The following NUP214 variants were observed in gnomAD, a reference collection of about 807,000 sequenced individuals.
NUP214 encodes the protein nuclear pore complex protein Nup214.
NUP214 carries 79 observed loss-of-function variants against 196.2 expected under a neutral mutation model. The observed-to-expected ratio is 0.40, with a 90% CI of 0.34 to 0.49. The LOEUF is 0.49. Ranked by LOEUF, NUP214 falls within the 20% of genes least tolerant of loss-of-function variation. The pLI is 0.58. For missense variants in NUP214, 2,468 were observed against 2,539.0 expected, an observed-to-expected ratio of 0.97 and a Z score of 0.60; for synonymous variants, 1,020 against 990.5, an observed-to-expected ratio of 1.03 and a Z score of -0.56.
chr9:131,125,671 G>A lies in NUP214; in HGVS notation c.-34G>A. ...TCCGTGGGCAAGGCCGTGGGAGGCA[G>A]CGTTGGCTGCTTCGACACACTGAGG... On this transcript the variant is annotated 5_prime_UTR_variant, in exon 1 of 36. Transcript: ENST00000359428. The surrounding 1 kb of genome is among the most constrained non-coding windows in gnomAD (Gnocchi z 4.1). 1.3e-6 allele frequency: 2 copies of A among 1,547,900 alleles called. No homozygotes were observed. The highest frequency in any genetic ancestry group is 1.7e-6 in the Non-Finnish European group (2 of 1,145,132).
rs924519393 is a variant in NUP214, at chr9:131,230,903, G to A, written c.6214+134G>A. 25 of 1,044,880 alleles carry A rather than the reference G, an allele frequency of 2.4e-5. 1 individual carries two copies. Among genetic ancestry groups the A allele is most frequent in the African/African-American group, 3.2e-5 (2 of 62,278 alleles). The allele number at this position is 1,044,880 out of a possible 1,614,324, so 64.7% of individuals were successfully genotyped here. On this transcript the variant is annotated intron_variant, in intron 34 of 35. Coordinates refer to ENST00000359428, the MANE Select transcript of NUP214 (RefSeq NM_005085.4). ...CTGACTGGGCACGTGGTTCACGCCT[G>A]TAATCCCAGCACTTTGGGAGACCAA... is the stretch of plus-strand genomic sequence containing the variant.
At chr9:131,186,210 T>C (rs1335577133) in intron 24 of NUP214, among the ~76,000 whole-genome samples, 1 of 152,192 alleles carries the variant, frequency 6.6e-6, no homozygotes, top group Non-Finnish European at 1.5e-5. Context: ...GGAACAGAGA[T>C]GTGTTTCTCC....
At chr9:131,179,558 C>G (rs879887610) in intron 24 of NUP214, among the ~76,000 whole-genome samples, 17 of 152,178 alleles carry the variant, frequency 1.1e-4, no homozygotes, top group Non-Finnish European at 2.2e-4. Context: ...CATGATTAGT[C>G]TAGCAGCAAG....
At chr9:131,184,332 T>C (rs1410930662) in intron 24 of NUP214, among the ~76,000 whole-genome samples, 1 of 141,598 alleles carries the variant, frequency 7.1e-6, no homozygotes, top group African/African-American at 2.7e-5. Flanking sequence ...AGCCGGCCTC[T>C]CTCTTTTTTT....
chr9:131,161,309 G>C (rs1832624699), intron 18 of NUP214, among the ~76,000 whole-genome samples: 1 of 149,232 alleles, frequency 6.7e-6, no homozygotes, highest in African/African-American at 2.5e-5. Flanking sequence ...CCATATTGGA[G>C]TGCAGTGGCG....
At chr9:131,221,458 C>T (rs1427066809) in intron 31 of NUP214, among the ~76,000 whole-genome samples, 2 of 152,206 alleles carry the variant, frequency 1.3e-5, no homozygotes, top group Non-Finnish European at 2.9e-5. Flanking sequence ...AGCATTGCAT[C>T]TGGACGTATT....
chr9:131,234,192 G>C lies in NUP214; in HGVS notation c.*705G>C. On this transcript the variant is annotated 3_prime_UTR_variant, in exon 36 of 36. Transcript: ENST00000359428. ...CCATGTGTCCTACTCCAGAGAGGAG[G>C]GGGCCGGTCACTTGAGAAGACAGCC... 2 of 233,284 alleles carry C rather than the reference G, an allele frequency of 8.6e-6. No homozygotes were observed. Among genetic ancestry groups the C allele is most frequent in the Non-Finnish European group, 1.7e-5 (2 of 118,104 alleles). 14.5% of individuals were successfully genotyped at this position (233,284 alleles called of 1,614,324 possible). A position where few individuals can be genotyped will look rare whatever the true frequency, so the allele number is the denominator to read the frequency against.
At chr9:131,159,286 T>C in intron 17 of NUP214, 97 bp from the exon 18 acceptor site, 1 of 769,584 alleles carries the variant, frequency 1.3e-6, no homozygotes, top group South Asian at 1.6e-5. Context: ...TGGTTCTTAA[T>C]ATAGAAGTAT....
At chr9:131,200,334 G>A (rs1026507600) in intron 29 of NUP214, among the ~76,000 whole-genome samples, 4 of 152,240 alleles carry the variant, frequency 2.6e-5, no homozygotes, top group African/African-American at 9.6e-5. Context: ...CCAGCAATTC[G>A]GGAGGCCGAG....
intron 31 of NUP214, among the ~76,000 whole-genome samples, chr9:131,218,123 A>G (rs983187354): frequency 1.3e-4 from 20 of 152,368 alleles, no homozygotes; most frequent in African/African-American, 4.6e-4. Flanking sequence ...GCTGTTAACT[A>G]TAAACCAACA....
chr9:131,176,323 C>CTT (rs765750532), intron 23 of NUP214, among the ~76,000 whole-genome samples: 1 of 145,240 alleles, frequency 6.9e-6, no homozygotes. Flanking sequence ...TTGCATGAAG[C>CTT]TTTTTTTTTT....
chr9:131,195,124 G>A, intron 27 of NUP214, 109 bp from the exon 28 acceptor site: 2 of 754,358 alleles, frequency 2.7e-6, no homozygotes, highest in Non-Finnish European at 2.2e-6. Flanking sequence ...CTTCTAGATT[G>A]TAAATTCCTG....
chr9:131,227,389 T>G (rs1564221819), intron 32 of NUP214, among the ~76,000 whole-genome samples: 1 of 152,170 alleles, frequency 6.6e-6, no homozygotes, highest in Admixed American at 6.5e-5. Flanking sequence ...ACTTATTATT[T>G]TATTAGATTT....
chr9:131,140,518 G>GT (rs1564181133), intron 10 of NUP214, 31 bp from the exon 11 acceptor site: 2 of 1,587,232 alleles, frequency 1.3e-6, no homozygotes, highest in Non-Finnish European at 1.7e-6. Context: ...AATTCACTTG[G>GT]TTTTTTTATT....
intron 26 of NUP214, among the ~76,000 whole-genome samples, 199 bp downstream of exon 26, chr9:131,189,330 TA>T (rs1283519116): frequency 6.6e-6 from 1 of 152,236 alleles, no homozygotes; most frequent in Non-Finnish European, 1.5e-5. Context: ...AGAAAATTAG[TA>T]TGCCCTTCAA....
chr9:131,187,127 T>C (rs1353679805), intron 24 of NUP214, 162 bp from the exon 25 acceptor site: 123 of 597,792 alleles, frequency 2.1e-4, no homozygotes, highest in Non-Finnish European at 5.4e-5. Context: ...TTTTAAAATT[T>C]ATCCTTCAAA....
In NUP214 at chr9:131,129,433, T is replaced by A. The variant is rs141418879; in HGVS notation, c.548T>A (p.Val183Glu). The A allele has an allele frequency of 1.4e-5, 22 of 1,614,018 alleles. No homozygotes were observed. Among genetic ancestry groups the A allele is most frequent in the Non-Finnish European group, 1.9e-5 (22 of 1,180,024 alleles). The change falls in exon 4 of 36, where the codon GTG becomes GAG. Residue 183 changes from valine to glutamate, a missense_variant. By Grantham distance (121) the Val-to-Glu change is moderately radical. Transcript: ENST00000359428. ...SIAVLQVTET[V>E]KVCATLPSTV... ...GCTGTCCTGCAAGTCACGGAAACAGTGAAAGTATGTGCAACTCTTCCTTCC... is the reference window on the plus strand; with the variant it reads ...GCTGTCCTGCAAGTCACGGAAACAGAGAAAGTATGTGCAACTCTTCCTTCC...
rs1832689015 is a variant in NUP214 at position 131,163,079 on chromosome 9, C to A, written c.2629C>A (p.His877Asn). 1 of 1,614,070 alleles carries A rather than the reference C, an allele frequency of 6.2e-7. No homozygotes were observed. The highest frequency in any genetic ancestry group is 1.3e-5 in the African/African-American group (1 of 74,940). ...CAACCAACAGAGGAAGAGGCTGAAT[C>A]ACCTGGTGGATAGTCTTCAGCAGCT... ...IINQQRKRLN[H>N]LVDSLQQLRL... Residue 877 changes from histidine (H) to asparagine (N), a missense_variant, in exon 19 of 36, where the codon CAC becomes AAC. Coordinates refer to ENST00000359428, the MANE Select transcript of NUP214 (RefSeq NM_005085.4).
At position 131,144,489 on chromosome 9, in the gene NUP214, T is replaced by A. The variant is rs1235470683; in HGVS notation, c.1504T>A (p.Tyr502Asn). The change falls in exon 12 of 36, where the codon TAT becomes AAT. Residue 502 changes from tyrosine (Y) to asparagine (N), a missense_variant. Coordinates refer to ENST00000359428, the MANE Select transcript of NUP214 (RefSeq NM_005085.4). ...SATVTGEPPS[Y>N]SSGSDSSKAA... ...TACGGTCACTGGGGAGCCCCCTTCA[T>A]ATTCCAGTGGCTCCGACAGCTCCAA... 6.2e-7 allele frequency: 1 copy of A among 1,614,194 alleles called. No individual in the cohort carries two copies. Among genetic ancestry groups the A allele is most frequent in the Non-Finnish European group, 8.5e-7 (1 of 1,180,020 alleles).
Sources: allele counts gnomAD v4.1 joint callset (sites outside exome capture counted in the v4.1 genomes callset), GRCh38; gene constraint gnomAD v4.1.1; non-coding constraint Gnocchi (gnomAD v3.1); transcripts MANE v1.5; gene names NCBI Gene and HGNC (gene_info 2026-07-23, HGNC 2026-07-21).